PLCB1: variants seen among roughly 807,000 people sequenced by gnomAD.
PLCB1 encodes the protein phospholipase C beta 1.
Under a neutral mutation model 161.8 loss-of-function variants are expected in PLCB1, and 46 were observed. The ratio of observed to expected loss-of-function variants is 0.28; its 90% confidence interval spans 0.22 to 0.36. PLCB1 has a LOEUF of 0.36. Ranked by LOEUF, PLCB1 falls within the 10% of genes least tolerant of loss-of-function variation. The probability of loss-of-function intolerance (pLI) is 1.00; values close to 1 mark genes in which losing one functional copy is unlikely to be tolerated. For synonymous variants in PLCB1, 517 were observed against 503.7 expected (o/e 1.03, Z -0.35); for missense variants, 1,016 against 1,472.5 (o/e 0.69, Z 5.07).
At chr20:8,514,648 A>G (rs1276630013) in intron 3 of PLCB1, among the ~76,000 whole-genome samples, 1 of 152,174 alleles carries the variant, frequency 6.6e-6, no homozygotes, top group African/African-American at 2.4e-5. Context: ...TGCCCCATAG[A>G]GTAAAGCCGT....
intron 18 of PLCB1, among the ~76,000 whole-genome samples, chr20:8,730,756 G>A (rs1209785931): frequency 6.6e-6 from 1 of 151,160 alleles, no homozygotes; most frequent in Non-Finnish European, 1.5e-5. Context: ...AAAATTTTTT[G>A]TATTAAGTCC....
intron 2 of PLCB1, among the ~76,000 whole-genome samples, chr20:8,329,148 TG>T (rs1185126698): frequency 6.6e-6 from 1 of 152,288 alleles, no homozygotes; most frequent in East Asian, 1.9e-4. Context: ...TTTGGTGAAA[TG>T]GTTCTGTATG....
chr20:8,345,688 A>T (rs998520905), intron 2 of PLCB1, among the ~76,000 whole-genome samples: 1 of 152,174 alleles, frequency 6.6e-6, no homozygotes, highest in African/African-American at 2.4e-5. Context: ...GACTGGAGAA[A>T]GGGCAAGGTG....
chr20:8,872,881 T>C (rs1568632477), intron 31 of PLCB1, among the ~76,000 whole-genome samples: 4 of 152,168 alleles, frequency 2.6e-5, no homozygotes, highest in Admixed American at 2.0e-4. Context: ...CCTCTTCCAA[T>C]CTCTCCTCGC....
Position 8,546,788 on chromosome 20 carries a change from T to C in PLCB1, c.247-81506T>C, listed in dbSNP as rs1006243932. ...AGGAAATGACTAGTATCATAAACCC[T>C]CTTGACAAAAAAAAAAAAATCACAT... On this transcript the variant is annotated intron_variant, in intron 3 of 31. Transcript: ENST00000338037. 3.3e-5 allele frequency among the ~76,000 whole-genome samples: 5 copies of C among 149,314 alleles called. No individual in the cohort carries two copies. In the East Asian group the frequency reaches 6.2e-4, roughly 19 times the overall value.
intron 31 of PLCB1, among the ~76,000 whole-genome samples, chr20:8,829,938 C>G (rs6086617): frequency 7.9e-5 from 12 of 151,920 alleles, no homozygotes. Context: ...GAAAATATTA[C>G]GAAGCCAACC....
intron 3 of PLCB1, among the ~76,000 whole-genome samples, chr20:8,517,343 G>A (rs780260809): frequency 6.6e-6 from 1 of 152,146 alleles, no homozygotes; most frequent in South Asian, 2.1e-4. Context: ...TGGGTGTTGT[G>A]CTGAACCCTT....
intron 31 of PLCB1, among the ~76,000 whole-genome samples, chr20:8,860,419 A>G (rs973263011): frequency 5.9e-5 from 9 of 152,240 alleles, no homozygotes; most frequent in African/African-American, 1.4e-4. Flanking sequence ...AACACTGTGC[A>G]TATCACTGAT....
chr20:8,197,312 C>T (rs1052042934), intron 2 of PLCB1, among the ~76,000 whole-genome samples: 33 of 152,310 alleles, frequency 2.2e-4, no homozygotes, highest in South Asian at 4.1e-4. Flanking sequence ...TCCATATCCT[C>T]TCCAGCACCT....
At chr20:8,485,154 G>A (rs1015553717) in intron 3 of PLCB1, among the ~76,000 whole-genome samples, 1 of 152,144 alleles carries the variant, frequency 6.6e-6, no homozygotes, top group Non-Finnish European at 1.5e-5. Context: ...CTTTGTACAG[G>A]AGATACTCTT....
chr20:8,491,947 G>A (rs1029541290), intron 3 of PLCB1, among the ~76,000 whole-genome samples: 2 of 146,772 alleles, frequency 1.4e-5, no homozygotes, highest in South Asian at 4.3e-4. Flanking sequence ...TCTTTTTTTT[G>A]TTTTTTTGTT....
intron 3 of PLCB1, among the ~76,000 whole-genome samples, chr20:8,475,010 GACACACACAC>G (rs11468682): frequency 2.0e-5 from 3 of 147,584 alleles, no homozygotes; most frequent in Non-Finnish European, 4.5e-5. Flanking sequence ...CACACACACA[GACACACACAC>G]ACACACACAC....
intron 27 of PLCB1, among the ~76,000 whole-genome samples, chr20:8,781,137 C>G (rs1025459553): frequency 2.0e-5 from 3 of 152,112 alleles, no homozygotes; most frequent in Admixed American, 6.5e-5. Flanking sequence ...GTATATGTGC[C>G]AGGAGTAATT....
At chr20:8,319,441 G>A (rs532392401) in intron 2 of PLCB1, among the ~76,000 whole-genome samples, 2 of 152,140 alleles carry the variant, frequency 1.3e-5, no homozygotes, top group South Asian at 4.2e-4. Context: ...GCTGGGCAGG[G>A]CTCTGAGAGA....
chr20:8,503,664 AAATTAGACATGACTGTGATT>A (rs1452565411), intron 3 of PLCB1, among the ~76,000 whole-genome samples: 1 of 152,176 alleles, frequency 6.6e-6, no homozygotes, highest in East Asian at 1.9e-4. Flanking sequence ...CAAATCTCTG[AAATTAGACATGACTGTGATT>A]TTTTTTTAAA....
chr20:8,844,432 G>C (rs1251715569), intron 31 of PLCB1, among the ~76,000 whole-genome samples: 1 of 152,152 alleles, frequency 6.6e-6, no homozygotes, highest in Non-Finnish European at 1.5e-5. Context: ...GAACGTGTGG[G>C]ACAGGCCAGG....
intron 3 of PLCB1, among the ~76,000 whole-genome samples, chr20:8,532,518 G>A (rs1984856204): frequency 6.6e-6 from 1 of 152,086 alleles, no homozygotes; most frequent in Admixed American, 6.5e-5. Context: ...TTTGTTGTCA[G>A]CTTTCATTAA....
chr20:8,611,885 A>G (rs926387855), intron 3 of PLCB1, among the ~76,000 whole-genome samples: 1 of 152,130 alleles, frequency 6.6e-6, no homozygotes, highest in African/African-American at 2.4e-5. Flanking sequence ...GATAGAGTCT[A>G]CAGTGAGCTG....
At chr20:8,264,992 C>T (rs2123250417) in intron 2 of PLCB1, among the ~76,000 whole-genome samples, 1 of 152,196 alleles carries the variant, frequency 6.6e-6, no homozygotes, top group South Asian at 2.1e-4. Context: ...CTTGAGAGTC[C>T]TATCCCTATT....
Sources: gnomAD v4.1 joint callset for allele counts (sites outside exome capture counted in the v4.1 genomes callset) on GRCh38, gnomAD v4.1.1 for gene constraint, MANE v1.5 for transcripts, NCBI Gene and HGNC (gene_info 2026-07-23, HGNC 2026-07-21) for gene names.